Variants in TMEM242 observed in about 807,000 individuals in gnomAD.
TMEM242 encodes UPF0463 transmembrane protein C6orf35.
In TMEM242, 10 loss-of-function variants were observed where a neutral mutation model predicts 18.2. The ratio of observed to expected loss-of-function variants is 0.55; its 90% CI spans 0.34 to 0.93. TMEM242 has a LOEUF of 0.93. Among genes scored for constraint, TMEM242 ranks in the 40% least tolerant of loss-of-function variants. The probability of loss-of-function intolerance (pLI) is 0.02; values close to 1 mark genes in which losing one functional copy is unlikely to be tolerated. For synonymous variants in TMEM242, 57 were observed against 69.9 expected (o/e 0.81, Z 0.92); for missense variants, 186 against 175.5 (o/e 1.06, Z -0.34).
chr6:157,294,597 G>A (rs797039737), intron 3 of TMEM242, among the ~76,000 whole-genome samples: 25 of 151,788 alleles, frequency 1.6e-4, no homozygotes, highest in African/African-American at 4.4e-4. Flanking sequence ...TGATCCGCCC[G>A]CCTCGGCCTC....
At chr6:157,302,975 C>T (rs1777851140) in intron 3 of TMEM242, among the ~76,000 whole-genome samples, 1 of 152,174 alleles carries the variant, frequency 6.6e-6, no homozygotes, top group African/African-American at 2.4e-5. Context: ...CTTTTCCTCT[C>T]CGGGAGTCCA....
At position 157,304,596 on chromosome 6, in the gene TMEM242, CA is replaced by C. The variant is rs1777885012; in HGVS notation, c.328-11598del. 4.0e-5 allele frequency among the ~76,000 whole-genome samples: 6 copies of C among 151,000 alleles called. No homozygotes were observed. The South Asian group carries it at 1.0e-3, about 26-fold the overall frequency. On this transcript the variant is annotated intron_variant, in intron 3 of 3. Transcript: ENST00000400788. ...ACCTACAATGCATTAGGCAGTGTTACAGGTGCGAGGATATAACAATGACCAA... is the reference window on the plus strand; with the variant it reads ...ACCTACAATGCATTAGGCAGTGTTACGGTGCGAGGATATAACAATGACCAA...
chr6:157,291,862 A>G lies in TMEM242; in HGVS notation c.*1039T>C, dbSNP rs1157511650. Reference sequence around the variant, plus strand: ...AATTGCACAACTGATATTTAACTACAGGTTTTTTCTCTGGACATATTGACA... The same window carrying G: ...AATTGCACAACTGATATTTAACTACGGGTTTTTTCTCTGGACATATTGACA... On this transcript the variant is annotated 3_prime_UTR_variant, in exon 4 of 4. Coordinates refer to ENST00000400788, the MANE Select transcript of TMEM242 (RefSeq NM_018452.6). 6.6e-6 allele frequency: 1 copy of G among 152,242 alleles called. No homozygotes were observed. Among genetic ancestry groups the G allele is most frequent in the African/African-American group, 2.4e-5 (1 of 41,466 alleles). 9.4% of individuals were successfully genotyped at this position (152,242 alleles called of 1,614,324 possible).
At chr6:157,315,009 C>T (rs1018541045) in intron 3 of TMEM242, among the ~76,000 whole-genome samples, 1 of 152,124 alleles carries the variant, frequency 6.6e-6, no homozygotes, top group African/African-American at 2.4e-5. Flanking sequence ...AATTATTTAA[C>T]GCTGGAGTTG....
chr6:157,311,837 G>T (rs797040639), intron 3 of TMEM242, among the ~76,000 whole-genome samples: 1 of 12,014 alleles, frequency 8.3e-5, no homozygotes, highest in Non-Finnish European at 1.7e-4. Flanking sequence ...TGTTCACCTA[G>T]CCTCATCATA....
chr6:157,323,349 G>A, intron 1 of TMEM242, 63 bp downstream of exon 1: 1 of 1,559,610 alleles, frequency 6.4e-7, no homozygotes, highest in Non-Finnish European at 8.8e-7. Context: ...GCCCGCTCCA[G>A]AGCAAGCCAG....
intron 3 of TMEM242, chr6:157,318,037 A>G (rs1436630145): frequency 6.6e-6 from 1 of 152,232 alleles, no homozygotes; most frequent in African/African-American, 2.4e-5. Context: ...TTTTACATAT[A>G]TACACAAACA....
intron 2 of TMEM242, among the ~76,000 whole-genome samples, chr6:157,321,169 A>T (rs1464737821): frequency 6.6e-6 from 1 of 151,760 alleles, no homozygotes; most frequent in Admixed American, 6.6e-5. Flanking sequence ...CCACCCGCCC[A>T]GTTAATTCTT....
intron 3 of TMEM242, among the ~76,000 whole-genome samples, chr6:157,294,395 G>C (rs1777723423): frequency 7.2e-6 from 1 of 139,200 alleles, no homozygotes; most frequent in Non-Finnish European, 1.5e-5. Flanking sequence ...CTGTCGCCCA[G>C]GCTGGAGTGC....
chr6:157,322,955 G>C, intron 1 of TMEM242, 150 bp from the exon 2 acceptor site: 1 of 682,966 alleles, frequency 1.5e-6, no homozygotes, highest in Non-Finnish European at 2.4e-6. Context: ...AGCAGCTCTT[G>C]CTAACAGTAA....
chr6:157,322,578 A>T (rs990398789), intron 2 of TMEM242, 127 bp downstream of exon 2: 1 of 689,922 alleles, frequency 1.4e-6, no homozygotes, highest in Non-Finnish European at 2.4e-6. Context: ...TCTAGAATCC[A>T]TGAGCGTATA....
At chr6:157,313,087 TG>T (rs1778242166) in intron 3 of TMEM242, among the ~76,000 whole-genome samples, 2 of 7,868 alleles carry the variant, frequency 2.5e-4, no homozygotes, top group Non-Finnish European at 5.9e-4. Context: ...TGCACTCACC[TG>T]GCCTCATCAA....
At chr6:157,308,337 G>A (rs1554248069) in intron 3 of TMEM242, among the ~76,000 whole-genome samples, 2 of 152,080 alleles carry the variant, frequency 1.3e-5, no homozygotes, top group African/African-American at 2.4e-5. Context: ...ATTAGCTAAG[G>A]CCCTCCAGTT....
intron 3 of TMEM242, among the ~76,000 whole-genome samples, chr6:157,309,791 G>GAGGC (rs782275252): frequency 0.025 from 3,787 of 152,244 alleles, 77 homozygotes; most frequent in Middle Eastern, 0.061. Context: ...ACAACTTAAA[G>GAGGC]TACTTCACAA....
In TMEM242 at chr6:157,306,715, T is replaced by C. The variant is rs1033222540; in HGVS notation, c.327+12067A>G. ...ATAACTGGGTAAAATAAAGCAGCAC[T>C]ATTTCACAAGTAAGTGGGACAGTCG... On this transcript the variant is annotated intron_variant, in intron 3 of 3. Coordinates refer to ENST00000400788, the MANE Select transcript of TMEM242 (RefSeq NM_018452.6). 5.3e-5 allele frequency among the ~76,000 whole-genome samples: 8 copies of C among 152,230 alleles called. No homozygotes were observed. In the East Asian group the frequency reaches 1.5e-3, roughly 29 times the overall value.
At chr6:157,313,036 C>G (rs1583570698) in intron 3 of TMEM242, among the ~76,000 whole-genome samples, 1 of 152,292 alleles carries the variant, frequency 6.6e-6, no homozygotes, top group African/African-American at 2.4e-5. Flanking sequence ...ATCATAGTGT[C>G]CCAGTGTGCA....
chr6:157,305,885 G>A lies in TMEM242; in HGVS notation c.328-12886C>T, dbSNP rs1583559712. On this transcript the variant is annotated intron_variant, in intron 3 of 3. Coordinates refer to ENST00000400788, the MANE Select transcript of TMEM242 (RefSeq NM_018452.6). This position sits in a 1 kb window ranked among gnomAD's most constrained non-coding sequence, Gnocchi z 4.1. ...GCGCTGGGGCAAGGAGCTGGACTGA[G>A]AGCAGGAAGGGGAGGAAGTGGAGGC... Among the ~76,000 whole-genome samples, 1 of 152,196 alleles carries A rather than the reference G, an allele frequency of 6.6e-6. No individual in the cohort carries two copies. Among genetic ancestry groups the A allele is most frequent in the South Asian group, 2.1e-4 (1 of 4,826 alleles).
intron 3 of TMEM242, chr6:157,300,181 C>T (rs782470620): frequency 8.2e-5 from 41 of 499,170 alleles, no homozygotes; most frequent in Non-Finnish European, 1.5e-4. Flanking sequence ...CTGACCAGGA[C>T]GTCGCAACGC....
At chr6:157,323,325 A>C (rs1778526960) in intron 1 of TMEM242, 87 bp downstream of exon 1, 1 of 1,379,056 alleles carries the variant, frequency 7.3e-7, no homozygotes, top group Non-Finnish European at 1.0e-6. Flanking sequence ...TCAGAGCGGG[A>C]TGTGTGTGGG....
Sources: gnomAD v4.1 joint callset for allele counts (sites outside exome capture counted in the v4.1 genomes callset) on GRCh38, gnomAD v4.1.1 for gene constraint, Gnocchi (gnomAD v3.1) non-coding constraint, MANE v1.5 for transcripts, NCBI Gene and HGNC (gene_info 2026-07-23, HGNC 2026-07-21) for gene names.